The following EYS variants were observed in gnomAD, a reference collection of about 807,000 sequenced individuals.
EYS encodes protein eyes shut homolog.
EYS carries 250 observed loss-of-function variants against 282.1 expected under a neutral mutation model. The observed-to-expected ratio is 0.89, with a 90% CI of 0.80 to 0.98. EYS has a LOEUF of 0.98. EYS is among the 50% of genes least tolerant of loss of function. EYS has a pLI of 0.00. For synonymous variants in EYS, 1,355 were observed against 1,282.9 expected (o/e 1.06, Z -1.20); for missense variants, 4,016 against 3,709.0 (o/e 1.08, Z -2.15).
chr6:65,135,429 G>C (rs1473596253), intron 12 of EYS, among the ~76,000 whole-genome samples: 1 of 151,898 alleles, frequency 6.6e-6, no homozygotes, highest in Non-Finnish European at 1.5e-5. Context: ...AATTGAGATA[G>C]AAGACCTGTA....
intron 2 of EYS, among the ~76,000 whole-genome samples, chr6:65,625,108 G>T (rs1056664175): frequency 3.3e-5 from 5 of 152,218 alleles, no homozygotes; most frequent in South Asian, 4.2e-4. Context: ...AGGGAAAGTG[G>T]GCTGCCTCTA....
intron 12 of EYS, among the ~76,000 whole-genome samples, chr6:65,191,444 T>G (rs1765639391): frequency 6.6e-6 from 1 of 151,844 alleles, no homozygotes; most frequent in Non-Finnish European, 1.5e-5. Context: ...ATTATTTGAT[T>G]TTCAGCCTTT....
At chr6:65,423,115 C>A (rs1056421445) in intron 5 of EYS, among the ~76,000 whole-genome samples, 1 of 151,492 alleles carries the variant, frequency 6.6e-6, no homozygotes. Context: ...TAATCCTCAC[C>A]CACATAAAAA....
At chr6:63,957,660 TA>T in intron 35 of EYS, among the ~76,000 whole-genome samples, 1 of 140,912 alleles carries the variant, frequency 7.1e-6, no homozygotes, top group South Asian at 2.3e-4. Flanking sequence ...CTACAGCGCC[TA>T]AAAGTTAAAG....
chr6:65,079,029 A>C (rs550563434), intron 12 of EYS, among the ~76,000 whole-genome samples: 1 of 151,916 alleles, frequency 6.6e-6, no homozygotes, highest in Admixed American at 6.6e-5. Context: ...TTTTCTGTTC[A>C]GCCTGCAGAA....
At chr6:64,057,100 G>A (rs563762542) in intron 33 of EYS, among the ~76,000 whole-genome samples, 1 of 152,136 alleles carries the variant, frequency 6.6e-6, no homozygotes. Context: ...AATGTTAAAA[G>A]TCTTTGTTCT....
chr6:65,591,981 A>G (rs2127368545), intron 2 of EYS, among the ~76,000 whole-genome samples: 1 of 152,120 alleles, frequency 6.6e-6, no homozygotes, highest in South Asian at 2.1e-4. Flanking sequence ...AACATAATAG[A>G]TACACAAAAG....
At chr6:63,763,294 G>C (rs1418019210) in intron 40 of EYS, among the ~76,000 whole-genome samples, 3 of 152,072 alleles carry the variant, frequency 2.0e-5, no homozygotes, top group Non-Finnish European at 4.4e-5. Flanking sequence ...TCTGGGTTTA[G>C]AGAGTGATAT....
intron 8 of EYS, among the ~76,000 whole-genome samples, chr6:65,364,525 A>T (rs1764837313): frequency 1.0e-5 from 1 of 95,992 alleles, no homozygotes; most frequent in Non-Finnish European, 2.2e-5. Context: ...AAGAGATCAA[A>T]TTGGACTATA....
intron 16 of EYS, among the ~76,000 whole-genome samples, chr6:64,905,699 T>G (rs1767807869): frequency 6.6e-6 from 1 of 152,186 alleles, no homozygotes; most frequent in African/African-American, 2.4e-5. Context: ...TCTAACAAAT[T>G]CAGCCTTTTT....
At chr6:64,973,325 C>T (rs1481094726) in intron 14 of EYS, among the ~76,000 whole-genome samples, 1 of 152,030 alleles carries the variant, frequency 6.6e-6, no homozygotes, top group African/African-American at 2.4e-5. Flanking sequence ...AGCTATATCA[C>T]ATCATTACTC....
chr6:65,134,227 CAG>C (rs1380968397), intron 12 of EYS, among the ~76,000 whole-genome samples: 1 of 152,000 alleles, frequency 6.6e-6, no homozygotes, highest in East Asian at 1.9e-4. Flanking sequence ...CAGCTAGAAA[CAG>C]AATTATCATT....
At chr6:64,768,814 G>T (rs964555189) in intron 22 of EYS, among the ~76,000 whole-genome samples, 1 of 152,078 alleles carries the variant, frequency 6.6e-6, no homozygotes, top group African/African-American at 2.4e-5. Context: ...AAAAGGGCAG[G>T]CTGTTTATAA....
intron 1 of EYS, among the ~76,000 whole-genome samples, chr6:65,678,207 T>G (rs532063973): frequency 2.7e-4 from 41 of 152,072 alleles, no homozygotes; most frequent in African/African-American, 9.6e-4. Context: ...GAGAACTCAC[T>G]CATTATTGCA....
chr6:63,896,590 A>T (rs1581948336), intron 35 of EYS, among the ~76,000 whole-genome samples: 1 of 152,218 alleles, frequency 6.6e-6, no homozygotes, highest in Admixed American at 6.5e-5. Flanking sequence ...CATATCTTAC[A>T]TTCATGCTTA....
At chr6:64,164,277 A>G (rs1207428437) in intron 31 of EYS, among the ~76,000 whole-genome samples, 1 of 152,134 alleles carries the variant, frequency 6.6e-6, no homozygotes, top group Non-Finnish European at 1.5e-5. Flanking sequence ...GACTATATTG[A>G]TAAAATATTT....
intron 5 of EYS, among the ~76,000 whole-genome samples, chr6:65,409,527 C>T (rs1454511619): frequency 6.6e-6 from 1 of 152,140 alleles, no homozygotes; most frequent in African/African-American, 2.4e-5. Context: ...TTGAGTAAGG[C>T]TTTGGACAAT....
intron 23 of EYS, among the ~76,000 whole-genome samples, chr6:64,618,468 T>G (rs1767343760): frequency 6.6e-6 from 1 of 152,208 alleles, no homozygotes; most frequent in Non-Finnish European, 1.5e-5. Flanking sequence ...AACTTTTCTT[T>G]ATTTTTCTAT....
intron 26 of EYS, among the ~76,000 whole-genome samples, chr6:64,574,851 T>C (rs1400912917): frequency 2.6e-5 from 4 of 152,182 alleles, no homozygotes; most frequent in South Asian, 2.1e-4. Flanking sequence ...ATGATACTTA[T>C]ATGCCTTCAG....
Sources: gnomAD v4.1 joint callset for allele counts (sites outside exome capture counted in the v4.1 genomes callset) on GRCh38, gnomAD v4.1.1 for gene constraint, MANE v1.5 for transcripts, NCBI Gene and HGNC (gene_info 2026-07-23, HGNC 2026-07-21) for gene names.